The following KIF26B variants were observed in gnomAD, a reference collection of about 807,000 sequenced individuals.
KIF26B encodes kinesin-like protein KIF26B.
In KIF26B, 63 loss-of-function variants were observed where a neutral mutation model predicts 151.2. The observed-to-expected ratio is 0.42, with a 90% CI of 0.34 to 0.51. The LOEUF (loss-of-function observed/expected upper bound fraction) is 0.51. Among genes scored for constraint, KIF26B ranks in the 20% least tolerant of loss-of-function variants. The pLI is 0.07. For synonymous variants in KIF26B, 1,357 were observed against 1,262.1 expected (o/e 1.08, Z -1.59); for missense variants, 2,813 against 2,913.6 (o/e 0.97, Z 0.79).
At chr1:245,403,395 C>T (rs1674053643) in intron 3 of KIF26B, among the ~76,000 whole-genome samples, 1 of 152,198 alleles carries the variant, frequency 6.6e-6, no homozygotes, top group African/African-American at 2.4e-5. Flanking sequence ...TCTATTTCCT[C>T]AGTGGGCATG....
At chr1:245,204,523 G>A (rs762626928) in intron 2 of KIF26B, among the ~76,000 whole-genome samples, 3 of 151,842 alleles carry the variant, frequency 2.0e-5, no homozygotes, top group Non-Finnish European at 4.4e-5. Context: ...ACAAGCGCCC[G>A]CCACCATGCC....
intron 2 of KIF26B, among the ~76,000 whole-genome samples, chr1:245,361,963 C>T (rs1314569999): frequency 1.3e-5 from 2 of 151,478 alleles, no homozygotes; most frequent in East Asian, 3.9e-4. Flanking sequence ...CTTTGTCAGG[C>T]GTTCTGATTG....
chr1:245,600,448 T>C (rs1004613954), intron 5 of KIF26B, among the ~76,000 whole-genome samples: 12 of 151,508 alleles, frequency 7.9e-5, no homozygotes, highest in Non-Finnish European at 1.6e-4. Flanking sequence ...CCCTGCTACC[T>C]CAACCTCCCA....
At chr1:245,533,531 T>C (rs185362911) in intron 4 of KIF26B, among the ~76,000 whole-genome samples, 27 of 152,314 alleles carry the variant, frequency 1.8e-4, no homozygotes, top group African/African-American at 6.3e-4. Context: ...CCTGAAACTT[T>C]TAAAGATATA....
intron 2 of KIF26B, among the ~76,000 whole-genome samples, chr1:245,359,851 G>A (rs1672777550): frequency 6.7e-6 from 1 of 149,278 alleles, no homozygotes; most frequent in African/African-American, 2.5e-5. Context: ...CCAGCCTATT[G>A]TGATTTCTTT....
At chr1:245,294,737 A>G (rs1671309248) in intron 2 of KIF26B, among the ~76,000 whole-genome samples, 1 of 152,050 alleles carries the variant, frequency 6.6e-6, no homozygotes, top group Non-Finnish European at 1.5e-5. Context: ...ATCTCGGCTC[A>G]CTGCAACCTC....
chr1:245,189,477 A>G (rs1458026717), intron 2 of KIF26B, among the ~76,000 whole-genome samples: 1 of 152,228 alleles, frequency 6.6e-6, no homozygotes, highest in Non-Finnish European at 1.5e-5. Context: ...CAAAGAAGCA[A>G]TGTTTACAGA....
intron 2 of KIF26B, among the ~76,000 whole-genome samples, chr1:245,340,947 G>A (rs1005382328): frequency 6.6e-6 from 1 of 152,182 alleles, no homozygotes; most frequent in Non-Finnish European, 1.5e-5. Context: ...AAGTGGGGAC[G>A]TCAGTGGATG....
intron 4 of KIF26B, among the ~76,000 whole-genome samples, chr1:245,428,477 C>T (rs918374821): frequency 2.0e-5 from 3 of 152,108 alleles, no homozygotes; most frequent in Non-Finnish European, 2.9e-5. Flanking sequence ...TGTAATTTAA[C>T]GTCTACACTG....
Position 245,698,352 on chromosome 1 carries a change from T to C in KIF26B, c.6027+44T>C. The C allele has an allele frequency of 1.9e-6, 3 of 1,549,666 alleles. No homozygotes were observed. Among genetic ancestry groups the C allele is most frequent in the South Asian group, 1.1e-5 (1 of 88,418 alleles). On this transcript the variant is annotated intron_variant, in intron 13 of 14. Coordinates refer to ENST00000407071, the MANE Select transcript of KIF26B (RefSeq NM_018012.4). The surrounding 1 kb of genome is among the most constrained non-coding windows in gnomAD (Gnocchi z 4.0). Reference sequence around the variant, plus strand: ...CACCCCCTGCCTACGTGGTGGCAGCTCCCCACCAAGCCTGAGCAGGTGCTA... The same window carrying C: ...CACCCCCTGCCTACGTGGTGGCAGCCCCCCACCAAGCCTGAGCAGGTGCTA...
At chr1:245,676,394 T>C (rs1041283436) in intron 10 of KIF26B, 1 of 152,264 alleles carries the variant, frequency 6.6e-6, no homozygotes, top group African/African-American at 2.4e-5. Context: ...TCATGTTTTA[T>C]ATCCACTTCA....
intron 5 of KIF26B, among the ~76,000 whole-genome samples, chr1:245,556,312 CCTT>C (rs1303808062): frequency 0.021 from 1,983 of 93,080 alleles, 85 homozygotes; most frequent in African/African-American, 0.071. Flanking sequence ...TCCTCCTCCT[CCTT>C]CTTCTTCTTC....
chr1:245,342,150 G>C (rs1163119318), intron 2 of KIF26B, among the ~76,000 whole-genome samples: 1 of 152,180 alleles, frequency 6.6e-6, no homozygotes, highest in Admixed American at 6.5e-5. Flanking sequence ...AGCCCTGGAT[G>C]GATGGTGATA....
At chr1:245,280,549 A>C (rs1338830804) in intron 2 of KIF26B, among the ~76,000 whole-genome samples, 1 of 148,268 alleles carries the variant, frequency 6.7e-6, no homozygotes, top group Non-Finnish European at 1.5e-5. Context: ...AAAGAAAAGA[A>C]ATTATTTTAG....
chr1:245,430,803 C>T (rs1010947232), intron 4 of KIF26B, among the ~76,000 whole-genome samples: 2 of 152,220 alleles, frequency 1.3e-5, no homozygotes, highest in Middle Eastern at 3.4e-3. Flanking sequence ...ATTGTTTAGA[C>T]GTGGAAACTG....
At chr1:245,398,091 A>C in intron 3 of KIF26B, among the ~76,000 whole-genome samples, 1 of 152,222 alleles carries the variant, frequency 6.6e-6, no homozygotes, top group Non-Finnish European at 1.5e-5. Flanking sequence ...CCTGAAAAAT[A>C]CTACTCCCTC....
intron 2 of KIF26B, among the ~76,000 whole-genome samples, chr1:245,299,718 CG>C (rs1418688020): frequency 1.3e-5 from 2 of 152,148 alleles, no homozygotes; most frequent in Non-Finnish European, 2.9e-5. Context: ...AGCTTATCTG[CG>C]GGGTCCACAT....
chr1:245,641,632 T>A (rs1260352051), intron 9 of KIF26B, among the ~76,000 whole-genome samples: 1 of 152,230 alleles, frequency 6.6e-6, no homozygotes, highest in South Asian at 2.1e-4. Context: ...ATTGCATTTT[T>A]CATTTCATTT....
At position 245,617,886 on chromosome 1, in the gene KIF26B, C is replaced by G. The variant is rs545968365; in HGVS notation, c.2098+5910C>G. 3.2e-4 allele frequency among the ~76,000 whole-genome samples: 48 copies of G among 152,188 alleles called. 2 individuals are homozygous for G. The Middle Eastern group carries it at 0.027, about 86-fold the overall frequency. On this transcript the variant is annotated intron_variant, in intron 9 of 14. Transcript: ENST00000407071. Reference sequence around the variant, plus strand: ...TTTTGGTTTCATAGTCTCCTGGTCCCTTTACCTCAGTTTCCCCCCTGCTCC... The same window carrying G: ...TTTTGGTTTCATAGTCTCCTGGTCCGTTTACCTCAGTTTCCCCCCTGCTCC...
Sources: allele counts gnomAD v4.1 joint callset (sites outside exome capture counted in the v4.1 genomes callset), GRCh38; gene constraint gnomAD v4.1.1; non-coding constraint Gnocchi (gnomAD v3.1); transcripts MANE v1.5; gene names NCBI Gene and HGNC (gene_info 2026-07-23, HGNC 2026-07-21).